Variants in PIK3R6 observed in about 807,000 individuals in gnomAD.
The protein encoded by PIK3R6 is phosphoinositide-3-kinase regulatory subunit 6, also known as phosphoinositide 3-kinase regulatory subunit 6.
A neutral mutation model predicts 84.9 loss-of-function variants in PIK3R6; 91 were observed. The observed-to-expected ratio is 1.07, with a 90% confidence interval of 0.90 to 1.28. The LOEUF is 1.28. Ranked by LOEUF, PIK3R6 falls within the 50% of genes most tolerant of loss-of-function variation. The pLI, the probability that PIK3R6 is intolerant of heterozygous loss-of-function variation, is 0.00. For missense variants in PIK3R6, 996 were observed against 985.1 expected (o/e 1.01, Z -0.15); for synonymous variants, 416 against 411.4 (o/e 1.01, Z -0.13).
At chr17:8,820,561 G>T (rs1230854706) in intron 17 of PIK3R6, among the ~76,000 whole-genome samples, 1 of 152,206 alleles carries the variant, frequency 6.6e-6, no homozygotes, top group Non-Finnish European at 1.5e-5. Context: ...TCTAGGTTAA[G>T]AGCTACTGCC....
Position 8,803,113 on chromosome 17 carries a change from A to G in PIK3R6, c.*160T>C. Reference sequence around the variant, plus strand: ...CTCCATGTGGGCCCTTCCTCATCACAGTCCCCAGGGTAGGCTCCCTGTGCT... The same window carrying G: ...CTCCATGTGGGCCCTTCCTCATCACGGTCCCCAGGGTAGGCTCCCTGTGCT... On this transcript the variant is annotated 3_prime_UTR_variant, in exon 20 of 20. Coordinates refer to ENST00000619866, the MANE Select transcript of PIK3R6 (RefSeq NM_001010855.4). The surrounding 1 kb of genome is among the most constrained non-coding windows in gnomAD (Gnocchi z 5.0). 1.2e-6 allele frequency: 1 copy of G among 853,072 alleles called. No homozygotes were observed. Among genetic ancestry groups the G allele is most frequent in the East Asian group, 2.7e-5 (1 of 36,778 alleles). The allele number at this position is 853,072 out of a possible 1,614,324, so 52.8% of individuals were successfully genotyped here. A position where few individuals can be genotyped will look rare whatever the true frequency, so the allele number is the denominator to read the frequency against.
chr17:8,849,752 A>G lies in PIK3R6; in HGVS notation c.13+30T>C, dbSNP rs761775687. ...GCCTTCCCCACTCGGCAGCAGGCTCACTAGACCCCTTTCCCCCCACCACAC... is the reference window on the plus strand; with the variant it reads ...GCCTTCCCCACTCGGCAGCAGGCTCGCTAGACCCCTTTCCCCCCACCACAC... On this transcript the variant is annotated intron_variant, in intron 2 of 19. Transcript: ENST00000619866. 1.9e-6 allele frequency: 3 copies of G among 1,608,852 alleles called. No individual in the cohort carries two copies. The East Asian group carries it at 6.7e-5, about 36-fold the overall frequency.
In PIK3R6 at chr17:8,804,130, C is replaced by A; in HGVS notation, c.2019G>T (p.Thr673=). Residue 673 remains threonine (T), a synonymous_variant, in exon 19 of 20, where the codon ACG becomes ACT. Coordinates refer to ENST00000619866, the MANE Select transcript of PIK3R6 (RefSeq NM_001010855.4). ...CCCGGCTCTGGATCTGGATATTGTT[C>A]GTCCTGAAGGTGTTGGTCACTGTCT... is the stretch of plus-strand genomic sequence containing the variant. ...SFSTVTNTFR[T]NNIQIQSRDQ... is the part of the protein sequence containing the mutation. The A allele has an allele frequency of 3.7e-6, 6 of 1,613,962 alleles. No individual in the cohort carries two copies. Among genetic ancestry groups the A allele is most frequent in the Non-Finnish European group, 5.1e-6 (6 of 1,179,854 alleles).
intron 1 of PIK3R6, among the ~76,000 whole-genome samples, chr17:8,865,393 G>C (rs949453998): frequency 1.3e-5 from 2 of 152,148 alleles, no homozygotes; most frequent in African/African-American, 4.8e-5. Context: ...CTATACCACA[G>C]CTGCAGGAAT....
intron 1 of PIK3R6, among the ~76,000 whole-genome samples, chr17:8,857,411 C>A (rs1409033931): frequency 1.3e-5 from 2 of 152,190 alleles, no homozygotes; most frequent in East Asian, 3.8e-4. Flanking sequence ...ATGGCCACTT[C>A]CCCTGACGTC....
At chr17:8,829,325 TACACCCATGCAAGC>T (rs1294497744) in intron 10 of PIK3R6, among the ~76,000 whole-genome samples, 1 of 124,734 alleles carries the variant, frequency 8.0e-6, no homozygotes, top group African/African-American at 3.3e-5. Context: ...CATGCACGCA[TACACCCATGCAAGC>T]ACACACAGAC....
intron 1 of PIK3R6, among the ~76,000 whole-genome samples, chr17:8,855,438 T>C (rs922830237): frequency 5.3e-5 from 8 of 152,084 alleles, no homozygotes; most frequent in Admixed American, 4.6e-4. Flanking sequence ...GATATGTGGA[T>C]GGCAAATAAA....
At chr17:8,863,425 A>G (rs915917132) in intron 1 of PIK3R6, among the ~76,000 whole-genome samples, 3 of 152,136 alleles carry the variant, frequency 2.0e-5, no homozygotes, top group Non-Finnish European at 4.4e-5. Context: ...ATTATTAACT[A>G]TAGTCACCCT....
At chr17:8,834,361 G>A (rs2088376881) in intron 8 of PIK3R6, among the ~76,000 whole-genome samples, 2 of 151,380 alleles carry the variant, frequency 1.3e-5, no homozygotes, top group Admixed American at 1.3e-4. Flanking sequence ...AATGAAGAGA[G>A]ATGGGAACAG....
At chr17:8,818,510 G>A (rs559665220) in intron 18 of PIK3R6, among the ~76,000 whole-genome samples, 75 of 152,274 alleles carry the variant, frequency 4.9e-4, no homozygotes, top group African/African-American at 1.8e-3. Context: ...TTAGCTGGGC[G>A]AGGTGGTGCA....
rs978198001 is a variant in PIK3R6 at position 8,867,582 on chromosome 17, G to A, written c.-145C>T. The A allele has an allele frequency of 5.9e-6, 3 of 510,726 alleles. No individual in the cohort carries two copies. The highest frequency in any genetic ancestry group is 1.2e-5 in the Non-Finnish European group (3 of 254,816). The allele number at this position is 510,726 out of a possible 1,614,324, so 31.6% of individuals were successfully genotyped here. On this transcript the variant is annotated 5_prime_UTR_variant, in exon 1 of 20. Transcript: ENST00000619866. ...CCAAGTCCTTCAGCCAACTCCCCAC[G>A]GTCCTGAGCGAGGTCCCCAGTCCCA...
chr17:8,813,608 C>G (rs1046599198), intron 18 of PIK3R6, among the ~76,000 whole-genome samples: 8 of 152,168 alleles, frequency 5.3e-5, no homozygotes, highest in Non-Finnish European at 8.8e-5. Flanking sequence ...TCAACATACA[C>G]AAATCAATAA....
At chr17:8,834,014 G>C (rs1380797962) in intron 8 of PIK3R6, among the ~76,000 whole-genome samples, 2 of 151,716 alleles carry the variant, frequency 1.3e-5, no homozygotes, top group Non-Finnish European at 2.9e-5. Context: ...AAATTAGCTG[G>C]GTGTGGTGGC....
intron 1 of PIK3R6, among the ~76,000 whole-genome samples, chr17:8,855,233 AT>A (rs2089102087): frequency 2.4e-5 from 3 of 123,602 alleles, no homozygotes; most frequent in African/African-American, 2.7e-5. Context: ...CAAAACAACA[AT>A]AAAATAAAAT....
At chr17:8,833,894 C>T (rs563818149) in intron 8 of PIK3R6, among the ~76,000 whole-genome samples, 3 of 151,554 alleles carry the variant, frequency 2.0e-5, no homozygotes, top group South Asian at 2.1e-4. Flanking sequence ...TGCAGCCCAG[C>T]GCGGTGGCTC....
At chr17:8,845,745 G>A (rs1461910201) in intron 2 of PIK3R6, among the ~76,000 whole-genome samples, 1 of 152,058 alleles carries the variant, frequency 6.6e-6, no homozygotes, top group Non-Finnish European at 1.5e-5. Flanking sequence ...CCAGGAGTTC[G>A]AGACTAGCCT....
At chr17:8,822,719 C>A in intron 15 of PIK3R6, 62 bp from the exon 16 acceptor site, 2 of 1,526,548 alleles carry the variant, frequency 1.3e-6, no homozygotes, top group Non-Finnish European at 1.8e-6. Context: ...CTAACTTCCC[C>A]ACCTCTCTGA....
rs2088484391 is a variant in PIK3R6, at chr17:8,836,839, CTG to C, written c.341_342del (p.Thr114SerfsTer33). 6.3e-7 allele frequency: 1 copy of C among 1,595,188 alleles called. No individual in the cohort carries two copies. The highest frequency in any genetic ancestry group is 1.3e-5 in the African/African-American group (1 of 74,566). On this transcript the variant is annotated frameshift_variant, in exon 6 of 20. Coordinates refer to ENST00000619866, the MANE Select transcript of PIK3R6 (RefSeq NM_001010855.4). LOFTEE classifies it high-confidence loss of function. ...RLLTLPTPYC[T>X]VALDCAIRLK... ...AGCCTTATCGCGCAGTCCAAGGCGACTGTGCAGTAGGGGGTGGGCAGGGTCAG... is the reference window on the plus strand; with the variant it reads ...AGCCTTATCGCGCAGTCCAAGGCGACTGCAGTAGGGGGTGGGCAGGGTCAG...
intron 18 of PIK3R6, among the ~76,000 whole-genome samples, chr17:8,804,417 G>A (rs2087138640): frequency 6.6e-6 from 1 of 152,196 alleles, no homozygotes; most frequent in Non-Finnish European, 1.5e-5. Context: ...TGTGGATAGT[G>A]CTTGCCAGGT....
Sources: gnomAD v4.1 joint callset for allele counts (sites outside exome capture counted in the v4.1 genomes callset) on GRCh38, gnomAD v4.1.1 for gene constraint, Gnocchi (gnomAD v3.1) non-coding constraint, MANE v1.5 for transcripts, NCBI Gene and HGNC (gene_info 2026-07-23, HGNC 2026-07-21) for gene names.